Variants in SHISA9 observed in about 807,000 individuals in gnomAD.
SHISA9 encodes shisa family member 9.
A neutral mutation model predicts 38.0 loss-of-function variants in SHISA9; 13 were observed. That is an observed-to-expected ratio of 0.34 (90% CI 0.22 to 0.54). SHISA9 has a LOEUF of 0.54. Among genes scored for constraint, SHISA9 ranks in the 20% least tolerant of loss-of-function variants. The pLI, the probability that SHISA9 is intolerant of heterozygous loss-of-function variation, is 0.91. For synonymous variants in SHISA9, 275 were observed against 242.0 expected, an observed-to-expected ratio of 1.14 and a Z score of -1.27; for missense variants, 538 against 575.8, an observed-to-expected ratio of 0.93 and a Z score of 0.67.
chr16:13,372,081 A>G, the SHISA9 span, among the ~76,000 whole-genome samples: 1,508 of 152,322 alleles, frequency 9.9e-3, 13 homozygotes, highest in Middle Eastern at 0.034. Flanking sequence ...CTACATAAAT[A>G]TCTGCCCGCG....
the SHISA9 span, among the ~76,000 whole-genome samples, chr16:13,489,184 A>T: frequency 6.6e-6 from 1 of 151,964 alleles, no homozygotes; most frequent in African/African-American, 2.4e-5. Flanking sequence ...AGTAGCTGGG[A>T]TTACAAGCGC....
chr16:13,527,148 A>G, the SHISA9 span, among the ~76,000 whole-genome samples: 1 of 152,222 alleles, frequency 6.6e-6, no homozygotes, highest in Non-Finnish European at 1.5e-5. Flanking sequence ...ACTTCAACAA[A>G]CACTGTTCTA....
chr16:12,954,231 G>C (rs1340049051), intron 2 of SHISA9, among the ~76,000 whole-genome samples: 2 of 152,208 alleles, frequency 1.3e-5, no homozygotes, highest in Non-Finnish European at 1.5e-5. Context: ...GTAGAGATGT[G>C]GTGTGCCCAG....
chr16:13,363,919 G>C, the SHISA9 span, among the ~76,000 whole-genome samples: 124,486 of 151,032 alleles, frequency 0.82, 51,053 homozygotes, highest in East Asian at 0.96. Flanking sequence ...AATGCACATT[G>C]TCAGGCCCTC....
the SHISA9 span, among the ~76,000 whole-genome samples, chr16:13,558,462 G>A: frequency 2.6e-5 from 4 of 152,130 alleles, no homozygotes; most frequent in African/African-American, 7.2e-5. Context: ...GAAATACAGG[G>A]TTGGGTTCCT....
At chr16:13,000,621 C>T (rs569277061) in intron 2 of SHISA9, among the ~76,000 whole-genome samples, 3 of 152,252 alleles carry the variant, frequency 2.0e-5, no homozygotes, top group Non-Finnish European at 4.4e-5. Context: ...GCATCCACAT[C>T]CGCAGGCAGA....
chr16:12,971,546 G>A (rs1012331355), intron 2 of SHISA9, among the ~76,000 whole-genome samples: 9 of 152,180 alleles, frequency 5.9e-5, no homozygotes, highest in African/African-American at 2.2e-4. Flanking sequence ...AACTGGGGAG[G>A]CAAGCCTCCT....
the SHISA9 span, among the ~76,000 whole-genome samples, chr16:13,270,008 C>T: frequency 6.6e-6 from 1 of 152,126 alleles, no homozygotes; most frequent in South Asian, 2.1e-4. Context: ...GAGAGCCTGA[C>T]CCAATTATAA....
Position 13,019,062 on chromosome 16 carries a change from C to T in SHISA9, c.691+102247C>T, listed in dbSNP as rs187623434. 1.1e-3 allele frequency among the ~76,000 whole-genome samples: 163 copies of T among 152,178 alleles called. 2 individuals are homozygous for T. Among genetic ancestry groups the T allele is most frequent in the South Asian group, 1.2e-3 (6 of 4,818 alleles). On this transcript the variant is annotated intron_variant, in intron 2 of 4. Coordinates refer to ENST00000558583, the MANE Select transcript of SHISA9 (RefSeq NM_001145204.3). ...TTGCTCAGGCTGTAGTGCCGTGGCA[C>T]GATCTTGGATGATTGCAACCTCCAC...
the SHISA9 span, among the ~76,000 whole-genome samples, chr16:13,400,046 A>T: frequency 0.026 from 3,904 of 152,286 alleles, 185 homozygotes; most frequent in African/African-American, 0.089. Context: ...CATCTCTACA[A>T]GTAAAAGCTT....
intron 2 of SHISA9, among the ~76,000 whole-genome samples, chr16:12,981,886 C>G (rs1387543207): frequency 6.6e-6 from 1 of 152,148 alleles, no homozygotes; most frequent in Non-Finnish European, 1.5e-5. Context: ...AGGTGGCTAT[C>G]TACAAGTCAA....
the SHISA9 span, among the ~76,000 whole-genome samples, chr16:13,327,508 C>T: frequency 2.6e-5 from 4 of 151,700 alleles, no homozygotes; most frequent in East Asian, 7.9e-4. Context: ...CCCAGACACT[C>T]GGGAGACTGA....
chr16:12,925,785 A>G (rs973137360), intron 2 of SHISA9, among the ~76,000 whole-genome samples: 10 of 152,228 alleles, frequency 6.6e-5, no homozygotes, highest in Non-Finnish European at 1.5e-4. Context: ...AGTGATAGGA[A>G]ATGCCTACTA....
chr16:13,465,599 G>A, the SHISA9 span, among the ~76,000 whole-genome samples: 2 of 152,152 alleles, frequency 1.3e-5, no homozygotes, highest in African/African-American at 2.4e-5. Context: ...GCTACCTCAG[G>A]AAGGAGAAGG....
intron 2 of SHISA9, among the ~76,000 whole-genome samples, chr16:13,102,344 A>T (rs1027927034): frequency 3.3e-5 from 5 of 152,154 alleles, no homozygotes; most frequent in African/African-American, 9.7e-5. Context: ...AAACAGATAT[A>T]GGGCTGCTAT....
the SHISA9 span, among the ~76,000 whole-genome samples, chr16:13,535,257 A>G: frequency 6.6e-6 from 1 of 152,182 alleles, no homozygotes; most frequent in Non-Finnish European, 1.5e-5. Flanking sequence ...AAAAATAAAT[A>G]AATAAAATTC....
At chr16:13,125,210 C>T (rs2141981567) in intron 2 of SHISA9, among the ~76,000 whole-genome samples, 1 of 152,228 alleles carries the variant, frequency 6.6e-6, no homozygotes. Context: ...TATTTGCAAA[C>T]TATCCTTCTG....
chr16:12,984,087 G>A (rs1031690679), intron 2 of SHISA9, among the ~76,000 whole-genome samples: 1 of 152,082 alleles, frequency 6.6e-6, no homozygotes, highest in Non-Finnish European at 1.5e-5. Flanking sequence ...TATGGGACCT[G>A]GCATACATGT....
In SHISA9 at chr16:13,037,103, CACACAG is replaced by C. The variant is rs1289597507; in HGVS notation, c.691+120294_691+120299del. ...ACACACCACACCACACACACACACA[CACACAG>C]ACACACACACACACACACACACACA... is the stretch of plus-strand genomic sequence containing the variant. On this transcript the variant is annotated intron_variant, in intron 2 of 4. Coordinates refer to ENST00000558583, the MANE Select transcript of SHISA9 (RefSeq NM_001145204.3). Among the ~76,000 whole-genome samples, 81 of 58,246 alleles carry C rather than the reference CACACAG, an allele frequency of 1.4e-3. 1 individual carries two copies. Among genetic ancestry groups the C allele is most frequent in the South Asian group, 4.2e-3 (7 of 1,650 alleles). The allele number at this position is 58,246 out of a possible 152,430, so 38.2% of individuals were successfully genotyped here. A position where few individuals can be genotyped will look rare whatever the true frequency, so the allele number is the denominator to read the frequency against.
Sources: allele counts gnomAD v4.1 joint callset (sites outside exome capture counted in the v4.1 genomes callset), GRCh38; gene constraint gnomAD v4.1.1; transcripts MANE v1.5; gene names NCBI Gene and HGNC (gene_info 2026-07-23, HGNC 2026-07-21).